The following CPEB3 variants were observed in gnomAD, a reference collection of about 807,000 sequenced individuals.
CPEB3 encodes the protein cytoplasmic polyadenylation element-binding protein 3.
CPEB3 carries 20 observed loss-of-function variants against 67.2 expected under a neutral mutation model. The observed-to-expected ratio is 0.30, with a 90% CI of 0.21 to 0.43. The LOEUF (loss-of-function observed/expected upper bound fraction) is 0.43, where lower values mean the gene tolerates loss of function less well. Among genes scored for constraint, CPEB3 ranks in the 20% least tolerant of loss-of-function variants. The pLI is 1.00. For synonymous variants in CPEB3, 376 were observed against 393.1 expected (o/e 0.96, Z 0.51); for missense variants, 746 against 968.6 (o/e 0.77, Z 3.05).
chr10:92,127,618 G>T (rs576338982), intron 6 of CPEB3, among the ~76,000 whole-genome samples: 1 of 152,318 alleles, frequency 6.6e-6, no homozygotes, highest in African/African-American at 2.4e-5. Flanking sequence ...GGTGGAGGTT[G>T]CAGTAGGCCA....
intron 7 of CPEB3, among the ~76,000 whole-genome samples, chr10:92,103,758 C>A (rs1844303123): frequency 6.6e-6 from 1 of 152,250 alleles, no homozygotes; most frequent in South Asian, 2.1e-4. Context: ...AGCAGTGAAA[C>A]TAGCACTGTA....
chr10:92,233,453 C>T (rs1851370191), intron 2 of CPEB3, among the ~76,000 whole-genome samples: 1 of 150,538 alleles, frequency 6.6e-6, no homozygotes, highest in Non-Finnish European at 1.5e-5. Context: ...ATGAGAATTG[C>T]TTGAACAGGG....
At chr10:92,233,419 C>T (rs1851368640) in intron 2 of CPEB3, among the ~76,000 whole-genome samples, 1 of 151,746 alleles carries the variant, frequency 6.6e-6, no homozygotes, top group African/African-American at 2.4e-5. Flanking sequence ...CACCTGTAAT[C>T]CCAGCTACCA....
intron 9 of CPEB3, among the ~76,000 whole-genome samples, chr10:92,054,649 CCAGG>C (rs1842045963): frequency 6.6e-6 from 1 of 152,100 alleles, no homozygotes; most frequent in Non-Finnish European, 1.5e-5. Context: ...ACCGTGTTGG[CCAGG>C]CTGGTCTCAA....
At chr10:92,258,514 C>T (rs1852622933) in intron 1 of CPEB3, among the ~76,000 whole-genome samples, 2 of 150,552 alleles carry the variant, frequency 1.3e-5, no homozygotes, top group Admixed American at 6.6e-5. Context: ...CTGGAGATTC[C>T]TTTTCAGATT....
In CPEB3 at chr10:92,239,703, C is replaced by T; in HGVS notation, c.648G>A (p.Met216Ile). The T allele has an allele frequency of 6.4e-7, 1 of 1,568,182 alleles. No individual in the cohort carries two copies. Among genetic ancestry groups the T allele is most frequent in the Non-Finnish European group, 8.6e-7 (1 of 1,160,772 alleles). ...CCGAAGACGAGGACGGCTTGCTGGT[C>T]ATGATGGGCTGGTGGCCGTACGCCG... ...AAAAYGHQPI[M>I]TSKPSSSSAV... The change falls in exon 2 of 10, where the codon ATG becomes ATA. Residue 216 changes from methionine (M) to isoleucine (I), a missense_variant. Physicochemically the swap from Met to Ile is conservative, Grantham distance 10. Around this residue, in one of 2 missense-constraint regions of CPEB3, gnomAD observed 643 missense variants for 717.5 expected, o/e 0.90. Coordinates refer to ENST00000265997, the MANE Select transcript of CPEB3 (RefSeq NM_014912.5). This position sits in a 1 kb window ranked among gnomAD's most constrained non-coding sequence, Gnocchi z 6.0.
chr10:92,130,759 C>T (rs898298456), intron 6 of CPEB3, among the ~76,000 whole-genome samples: 1 of 149,764 alleles, frequency 6.7e-6, no homozygotes, highest in Non-Finnish European at 1.5e-5. Flanking sequence ...TACTTCAAAT[C>T]TGCACCAAGG....
In CPEB3 at chr10:92,120,050, G is replaced by A. The variant is rs1374014618; in HGVS notation, c.1454-8856C>T. Among the ~76,000 whole-genome samples the A allele has an allele frequency of 4.7e-5, 5 of 106,878 alleles. No individual in the cohort carries two copies. The East Asian group carries it at 1.4e-3, about 31-fold the overall frequency. 70.1% of individuals were successfully genotyped at this position (106,878 alleles called of 152,430 possible). On this transcript the variant is annotated intron_variant, in intron 6 of 9. Transcript: ENST00000265997. ...CGGGCGGATCACGAGGTCAGGAGAT[G>A]GAGACCATCCTGGCTAACACAGTGA... is the stretch of plus-strand genomic sequence containing the variant.
chr10:92,084,333 A>G (rs1843283694), intron 8 of CPEB3, among the ~76,000 whole-genome samples: 1 of 152,126 alleles, frequency 6.6e-6, no homozygotes, highest in South Asian at 2.1e-4. Flanking sequence ...AGAAACCCTC[A>G]TCTGCTTATG....
At chr10:92,173,586 T>C (rs1848100524) in intron 4 of CPEB3, among the ~76,000 whole-genome samples, 1 of 152,190 alleles carries the variant, frequency 6.6e-6, no homozygotes. Context: ...AATAATAATG[T>C]AACTACTCTT....
rs1846623945 is a variant in CPEB3 at position 92,145,256 on chromosome 10, A to G, written c.1223-171T>C. On this transcript the variant is annotated intron_variant, in intron 4 of 9. Coordinates refer to ENST00000265997, the MANE Select transcript of CPEB3 (RefSeq NM_014912.5). ...TTTTCCAAGATTAACAGGACTGAAT[A>G]TTACCAGATAACTTTTTATCATCAT... The G allele has an allele frequency of 1.2e-5, 8 of 661,890 alleles. No individual in the cohort carries two copies. The South Asian group carries it at 1.6e-4, about 13-fold the overall frequency. The allele number at this position is 661,890 out of a possible 1,614,324, so 41.0% of individuals were successfully genotyped here. A position where few individuals can be genotyped will look rare whatever the true frequency, so the allele number is the denominator to read the frequency against.
chr10:92,221,600 G>A (rs1340223176), intron 2 of CPEB3, among the ~76,000 whole-genome samples: 1 of 152,144 alleles, frequency 6.6e-6, no homozygotes. Context: ...CCCCCAAAAT[G>A]CACATGTTGA....
chr10:92,249,073 G>C (rs748228639), intron 1 of CPEB3, among the ~76,000 whole-genome samples: 1 of 145,320 alleles, frequency 6.9e-6, no homozygotes, highest in Non-Finnish European at 1.5e-5. Context: ...TGTGCTGCCA[G>C]TTTTATAAAA....
At position 92,049,704 on chromosome 10, in the gene CPEB3, T is replaced by TTTAG. The variant is rs1852219463; in HGVS notation, c.*2504_*2507dup. On this transcript the variant is annotated 3_prime_UTR_variant, in exon 10 of 10. Coordinates refer to ENST00000265997, the MANE Select transcript of CPEB3 (RefSeq NM_014912.5). ...TCAGGACAATGTTTTTTGCCTTCACTTTAGCTTTATGCTGTACAATCTTCC... is the reference window on the plus strand; with the variant it reads ...TCAGGACAATGTTTTTTGCCTTCACTTTAGTTAGCTTTATGCTGTACAATCTTCC... 1 of 152,624 alleles carries TTTAG rather than the reference T, an allele frequency of 6.6e-6. No homozygotes were observed. Among genetic ancestry groups the TTTAG allele is most frequent in the South Asian group, 2.1e-4 (1 of 4,818 alleles). 9.5% of individuals were successfully genotyped at this position (152,624 alleles called of 1,614,324 possible). A position where few individuals can be genotyped will look rare whatever the true frequency, so the allele number is the denominator to read the frequency against.
intron 3 of CPEB3, among the ~76,000 whole-genome samples, chr10:92,191,531 G>T (rs1473877132): frequency 6.6e-6 from 1 of 152,040 alleles, no homozygotes; most frequent in Non-Finnish European, 1.5e-5. Context: ...ACAAGAAAAT[G>T]ATGAAAGAGA....
chr10:92,092,001 A>C, intron 7 of CPEB3, 57 bp from the exon 8 acceptor site: 1 of 1,027,484 alleles, frequency 9.7e-7, no homozygotes. Flanking sequence ...CCAAATGAGA[A>C]TAAGATGACT....
chr10:92,071,751 T>A lies in CPEB3; in HGVS notation c.1869+9569A>T, dbSNP rs572108384. On this transcript the variant is annotated intron_variant, in intron 9 of 9. Coordinates refer to ENST00000265997, the MANE Select transcript of CPEB3 (RefSeq NM_014912.5). ...CTCCATCTCAAAAAAAAAAAAAAAA[T>A]TTTTTTCTCATGACCACACAGAGTA... 3.3e-3 allele frequency among the ~76,000 whole-genome samples: 501 copies of A among 149,556 alleles called. 2 individuals carry two copies. The highest frequency in any genetic ancestry group is 4.6e-3 in the Non-Finnish European group (309 of 67,348).
At chr10:92,228,776 C>CA (rs1427416868) in intron 2 of CPEB3, among the ~76,000 whole-genome samples, 3 of 150,942 alleles carry the variant, frequency 2.0e-5, no homozygotes, top group Non-Finnish European at 2.9e-5. Context: ...TGCAGTGGTG[C>CA]AATCTCGGCT....
intron 2 of CPEB3, among the ~76,000 whole-genome samples, chr10:92,209,076 T>C (rs1201137652): frequency 6.6e-6 from 1 of 152,178 alleles, no homozygotes; most frequent in African/African-American, 2.4e-5. Context: ...AAGTTCCCAG[T>C]AAACATGTTG....
Sources: allele counts gnomAD v4.1 joint callset (sites outside exome capture counted in the v4.1 genomes callset), GRCh38; gene constraint gnomAD v4.1.1; regional missense constraint gnomAD v4.1.1; non-coding constraint Gnocchi (gnomAD v3.1); transcripts MANE v1.5; gene names NCBI Gene and HGNC (gene_info 2026-07-23, HGNC 2026-07-21).